Variants in AGTPBP1 observed in about 807,000 individuals in gnomAD.
AGTPBP1 encodes the protein ATP/GTP binding carboxypeptidase 1.
Under a neutral mutation model 143.9 loss-of-function variants are expected in AGTPBP1, and 70 were observed. That is an observed-to-expected ratio of 0.49 (90% CI 0.40 to 0.59). AGTPBP1 has a LOEUF of 0.59. Ranked by LOEUF, AGTPBP1 falls within the 20% of genes least tolerant of loss-of-function variation. The probability of loss-of-function intolerance (pLI) is 0.00; values close to 1 mark genes in which losing one functional copy is unlikely to be tolerated. For synonymous variants in AGTPBP1, 463 were observed against 500.2 expected (o/e 0.93, Z 0.99); for missense variants, 1,229 against 1,464.5 (o/e 0.84, Z 2.62).
At chr9:85,753,454 C>G in the AGTPBP1 span, 1 of 1,611,822 alleles carries the variant, frequency 6.2e-7, no homozygotes, top group South Asian at 1.1e-5. Flanking sequence ...CCTGGTTTCT[C>G]TTCAATCTGA....
the AGTPBP1 span, among the ~76,000 whole-genome samples, chr9:85,764,239 G>A: frequency 6.6e-6 from 1 of 151,604 alleles, no homozygotes; most frequent in Non-Finnish European, 1.5e-5. Flanking sequence ...TTTAGAAAAT[G>A]AACACCCCGG....
chr9:85,550,102 A>T (rs982390304), intron 25 of AGTPBP1, among the ~76,000 whole-genome samples: 1 of 152,144 alleles, frequency 6.6e-6, no homozygotes, highest in African/African-American at 2.4e-5. Context: ...GCTCGGGCAC[A>T]TTAGTCAGGC....
chr9:85,636,012 T>C (rs1438060982), intron 13 of AGTPBP1, among the ~76,000 whole-genome samples: 1 of 152,104 alleles, frequency 6.6e-6, no homozygotes, highest in Admixed American at 6.5e-5. Flanking sequence ...ATTCAATCTA[T>C]AATGGTGACT....
intron 2 of AGTPBP1, among the ~76,000 whole-genome samples, chr9:85,696,658 C>T (rs1836264848): frequency 2.0e-5 from 3 of 150,718 alleles, no homozygotes; most frequent in South Asian, 2.1e-4. Flanking sequence ...CAGAGCAAGA[C>T]TCCGTCTCAA....
chr9:85,801,164 T>A, the AGTPBP1 span, among the ~76,000 whole-genome samples: 1 of 151,778 alleles, frequency 6.6e-6, no homozygotes, highest in Non-Finnish European at 1.5e-5. Context: ...ATACAAAAAA[T>A]AGTCAGGTGT....
intron 17 of AGTPBP1, among the ~76,000 whole-genome samples, chr9:85,614,338 A>C (rs1830488956): frequency 6.6e-6 from 1 of 152,096 alleles, no homozygotes; most frequent in Admixed American, 6.5e-5. Flanking sequence ...TTTCAAGTAA[A>C]TATATAAAAA....
chr9:85,591,673 T>C (rs544992263), intron 19 of AGTPBP1, among the ~76,000 whole-genome samples: 2 of 152,300 alleles, frequency 1.3e-5, no homozygotes, highest in Admixed American at 6.5e-5. Flanking sequence ...TGGTAGGTTG[T>C]AACCTTTCTT....
chr9:85,681,285 G>T lies in AGTPBP1; in HGVS notation c.208C>A (p.Leu70Met). The T allele has an allele frequency of 6.2e-7, 1 of 1,612,874 alleles. No homozygotes were observed. Residue 70 changes from leucine (L) to methionine (M), a missense_variant, in exon 4 of 26, where the codon CTG becomes ATG. This residue lies in a region of AGTPBP1 where 743 missense variants were observed against 812.2 expected (regional missense o/e 0.91). Coordinates refer to ENST00000357081, the MANE Select transcript of AGTPBP1 (RefSeq NM_001330701.2). ...TGATTTACCTCTAATGTTGACAGCA[G>T]AATTTCCATTCCTGTAGAACCTTTG... ...TAKGSTGMEI[L>M]LSTLENTKDL...
intron 2 of AGTPBP1, among the ~76,000 whole-genome samples, chr9:85,697,377 G>A (rs973697028): frequency 1.5e-5 from 2 of 129,278 alleles, no homozygotes; most frequent in Admixed American, 7.6e-5. Flanking sequence ...GTTATGCAGT[G>A]GGTTTATTAT....
chr9:85,669,201 T>C (rs1398032580), intron 8 of AGTPBP1, among the ~76,000 whole-genome samples: 8 of 151,258 alleles, frequency 5.3e-5, no homozygotes, highest in African/African-American at 1.5e-4. Context: ...ATGAATACTC[T>C]ATAGATAATC....
In AGTPBP1 at chr9:85,558,697, C is replaced by T. The variant is rs150502130; in HGVS notation, c.3504-11411G>A. Among the ~76,000 whole-genome samples the T allele has an allele frequency of 2.6e-4, 40 of 152,304 alleles. 1 individual carries two copies. The East Asian group carries it at 6.6e-3, about 25-fold the overall frequency. The stretch of plus-strand genomic sequence containing the variant: ...ACAACGACATGATCTCGGCTCACTG[C>T]AACCTCCACTTCCTGGGCTCAAGCA... On this transcript the variant is annotated intron_variant, in intron 25 of 25. Transcript: ENST00000357081.
At chr9:85,802,911 C>A in the AGTPBP1 span, among the ~76,000 whole-genome samples, 1 of 152,362 alleles carries the variant, frequency 6.6e-6, no homozygotes, top group East Asian at 1.9e-4. Context: ...GACATAACAT[C>A]TGCTCATGTT....
chr9:85,631,302 T>A (rs532558457), intron 14 of AGTPBP1, among the ~76,000 whole-genome samples: 2 of 152,266 alleles, frequency 1.3e-5, no homozygotes, highest in African/African-American at 4.8e-5. Flanking sequence ...ACCTCCTGGT[T>A]CCCAGGCTTG....
At chr9:85,596,908 A>C (rs771249932) in intron 17 of AGTPBP1, among the ~76,000 whole-genome samples, 1 of 152,156 alleles carries the variant, frequency 6.6e-6, no homozygotes, top group African/African-American at 2.4e-5. Flanking sequence ...TGTAGGAGAG[A>C]AAACGAAGAG....
intron 25 of AGTPBP1, among the ~76,000 whole-genome samples, chr9:85,567,207 A>T (rs1475285728): frequency 6.6e-6 from 1 of 152,216 alleles, no homozygotes; most frequent in Non-Finnish European, 1.5e-5. Context: ...ATTTACCAAC[A>T]CAATAAAAAT....
intron 17 of AGTPBP1, among the ~76,000 whole-genome samples, chr9:85,617,554 G>A (rs1453431254): frequency 6.6e-6 from 1 of 152,018 alleles, no homozygotes; most frequent in African/African-American, 2.4e-5. Context: ...ATATATTAAA[G>A]TACTAAACAC....
chr9:85,754,362 T>G, the AGTPBP1 span, among the ~76,000 whole-genome samples: 1 of 152,282 alleles, frequency 6.6e-6, no homozygotes, highest in East Asian at 1.9e-4. Flanking sequence ...GACTAATTTT[T>G]TGTATTTTTA....
At chr9:85,692,248 CT>C (rs1399124263) in intron 3 of AGTPBP1, among the ~76,000 whole-genome samples, 6 of 151,258 alleles carry the variant, frequency 4.0e-5, no homozygotes, top group Non-Finnish European at 5.9e-5. Context: ...CAGTTTTCCA[CT>C]CGAGTCAATT....
the AGTPBP1 span, among the ~76,000 whole-genome samples, chr9:85,799,230 C>T: frequency 6.6e-6 from 1 of 152,140 alleles, no homozygotes; most frequent in Non-Finnish European, 1.5e-5. Flanking sequence ...CAGTCTATCA[C>T]TGATAGACAC....
Sources: allele counts gnomAD v4.1 joint callset (sites outside exome capture counted in the v4.1 genomes callset), GRCh38; gene constraint gnomAD v4.1.1; regional missense constraint gnomAD v4.1.1; transcripts MANE v1.5; gene names NCBI Gene and HGNC (gene_info 2026-07-23, HGNC 2026-07-21).